The following LRRC38 variants were observed in gnomAD, a reference collection of about 807,000 sequenced individuals.
LRRC38 encodes leucine rich repeat containing 38, also known as leucine-rich repeat-containing protein 38.
A neutral mutation model predicts 16.4 loss-of-function variants in LRRC38; 5 were observed. That is an observed-to-expected ratio of 0.31 (90% CI 0.16 to 0.64). The LOEUF (loss-of-function observed/expected upper bound fraction) is 0.64, where lower values mean the gene tolerates loss of function less well. LRRC38 is among the 30% of genes least tolerant of loss of function. The pLI, the probability that LRRC38 is intolerant of heterozygous loss-of-function variation, is 0.80. For synonymous variants in LRRC38, 191 were observed against 190.2 expected (o/e 1.00, Z -0.04); for missense variants, 341 against 401.8 (o/e 0.85, Z 1.29).
intron 1 of LRRC38, among the ~76,000 whole-genome samples, chr1:13,480,940 G>A (rs1638846125): frequency 6.6e-6 from 1 of 152,186 alleles, no homozygotes; most frequent in South Asian, 2.1e-4. Context: ...TTAAAGGCGT[G>A]AGCCACCAGG....
intron 1 of LRRC38, among the ~76,000 whole-genome samples, chr1:13,497,977 A>G (rs918780659): frequency 1.4e-5 from 2 of 147,462 alleles, no homozygotes. Flanking sequence ...AAAAAAAAAA[A>G]AAAAAGAAAC....
chr1:13,510,536 G>T (rs931231710), intron 1 of LRRC38, among the ~76,000 whole-genome samples: 1 of 152,006 alleles, frequency 6.6e-6, no homozygotes, highest in Non-Finnish European at 1.5e-5. Context: ...ATGAGGAAAC[G>T]GGTACAAAAA....
At chr1:13,497,657 A>G (rs914580164) in intron 1 of LRRC38, among the ~76,000 whole-genome samples, 1 of 151,998 alleles carries the variant, frequency 6.6e-6, no homozygotes, top group Non-Finnish European at 1.5e-5. Context: ...GCTCATGATT[A>G]ATTTTTCCGT....
chr1:13,512,902 T>C, intron 1 of LRRC38, 61 bp downstream of exon 1: 3 of 1,401,792 alleles, frequency 2.1e-6, no homozygotes, highest in Non-Finnish European at 2.9e-6. Context: ...CAGACTGGGG[T>C]CTGGGGTGGC....
intron 1 of LRRC38, among the ~76,000 whole-genome samples, chr1:13,490,251 C>T (rs1027248402): frequency 5.9e-5 from 9 of 152,038 alleles, no homozygotes; most frequent in Non-Finnish European, 1.0e-4. Flanking sequence ...CTCCGCCTCT[C>T]GGGTTCAAGC....
At chr1:13,504,800 CAGAGAGAAAGAA>C (rs1639191838) in intron 1 of LRRC38, among the ~76,000 whole-genome samples, 1 of 107,804 alleles carries the variant, frequency 9.3e-6, no homozygotes, top group Non-Finnish European at 1.9e-5. Flanking sequence ...AAAGAAGAGA[CAGAGAGAAAGAA>C]AGAGAAAAGA....
At chr1:13,503,497 G>GACCTCAGGTGATCTGCCC (rs1310528284) in intron 1 of LRRC38, among the ~76,000 whole-genome samples, 1 of 152,204 alleles carries the variant, frequency 6.6e-6, no homozygotes, top group Admixed American at 6.5e-5. Context: ...TCGATCTGCT[G>GACCTCAGGTGATCTGCCC]ACCTCAGGTG....
chr1:13,480,101 T>C (rs1330576409), intron 1 of LRRC38, among the ~76,000 whole-genome samples: 2 of 152,146 alleles, frequency 1.3e-5, no homozygotes, highest in African/African-American at 2.4e-5. Context: ...TCCCAGCACT[T>C]TGGGAGGCCG....
At chr1:13,486,889 CCTAA>C (rs1215028453) in intron 1 of LRRC38, among the ~76,000 whole-genome samples, 3 of 152,168 alleles carry the variant, frequency 2.0e-5, no homozygotes, top group Non-Finnish European at 4.4e-5. Context: ...CTGCACCTAC[CCTAA>C]CTTTCTTAAA....
intron 1 of LRRC38, among the ~76,000 whole-genome samples, chr1:13,498,152 C>A (rs572825450): frequency 6.6e-6 from 1 of 151,664 alleles, no homozygotes; most frequent in Non-Finnish European, 1.5e-5. Flanking sequence ...CGCCTGGAAT[C>A]GAGCAGATAA....
intron 1 of LRRC38, among the ~76,000 whole-genome samples, chr1:13,476,400 C>T (rs567091670): frequency 6.6e-6 from 1 of 152,240 alleles, no homozygotes; most frequent in South Asian, 2.1e-4. Context: ...GTGATCTCGG[C>T]TCACTGCAGC....
At chr1:13,491,909 C>G (rs2999895) in intron 1 of LRRC38, among the ~76,000 whole-genome samples, 2 of 152,206 alleles carry the variant, frequency 1.3e-5, no homozygotes, top group African/African-American at 4.8e-5. Context: ...CTCCTGACCC[C>G]AGGTGATTCA....
At chr1:13,496,850 G>A (rs141750486) in intron 1 of LRRC38, among the ~76,000 whole-genome samples, 161 of 152,318 alleles carry the variant, frequency 1.1e-3, no homozygotes, top group African/African-American at 3.7e-3. Context: ...GGGAAGGAGA[G>A]CCAGAGGTGG....
intron 1 of LRRC38, among the ~76,000 whole-genome samples, chr1:13,483,972 C>A (rs1267805488): frequency 1.3e-5 from 2 of 151,728 alleles, no homozygotes; most frequent in East Asian, 1.9e-4. Context: ...GGAGAGGGAG[C>A]GAGTACGCAT....
intron 1 of LRRC38, among the ~76,000 whole-genome samples, chr1:13,481,963 A>C (rs1393916016): frequency 6.6e-6 from 1 of 152,166 alleles, no homozygotes; most frequent in Admixed American, 6.5e-5. Flanking sequence ...CTGCTTGTTA[A>C]GCCACCAATC....
intron 1 of LRRC38, among the ~76,000 whole-genome samples, chr1:13,486,200 G>A (rs534531038): frequency 2.0e-5 from 3 of 152,046 alleles, no homozygotes; most frequent in African/African-American, 4.8e-5. Context: ...GCTTATGGCC[G>A]CCTCCCTCCA....
intron 1 of LRRC38, among the ~76,000 whole-genome samples, chr1:13,481,468 T>C (rs1205921732): frequency 1.3e-5 from 2 of 151,628 alleles, no homozygotes; most frequent in Non-Finnish European, 2.9e-5. Context: ...CTCGGCTCAC[T>C]GCAAGCTCTG....
intron 1 of LRRC38, among the ~76,000 whole-genome samples, chr1:13,511,668 G>A (rs775902919): frequency 1.1e-4 from 16 of 152,164 alleles, no homozygotes; most frequent in South Asian, 4.1e-4. Context: ...CTTTTCATCC[G>A]GTCACTCCTG....
chr1:13,505,681 CAAG>C (rs1639204121), intron 1 of LRRC38, among the ~76,000 whole-genome samples: 2 of 152,082 alleles, frequency 1.3e-5, no homozygotes, highest in Admixed American at 6.5e-5. Flanking sequence ...GTAACTACAA[CAAG>C]AAGATGTGAC....
Sources: allele counts gnomAD v4.1 joint callset (sites outside exome capture counted in the v4.1 genomes callset), GRCh38; gene constraint gnomAD v4.1.1; transcripts MANE v1.5; gene names NCBI Gene and HGNC (gene_info 2026-07-23, HGNC 2026-07-21).